The following ENPEP variants were observed in gnomAD, a reference collection of about 807,000 sequenced individuals.
The protein encoded by ENPEP is glutamyl aminopeptidase.
ENPEP carries 103 observed loss-of-function variants against 114.5 expected under a neutral mutation model. The observed-to-expected ratio is 0.90, with a 90% CI of 0.77 to 1.06. The LOEUF is 1.06. ENPEP is among the 50% of genes least tolerant of loss of function. ENPEP has a pLI of 0.00. For missense variants in ENPEP, 1,196 were observed against 1,161.3 expected, an observed-to-expected ratio of 1.03 and a Z score of -0.43; for synonymous variants, 420 against 422.0, an observed-to-expected ratio of 1.00 and a Z score of 0.06.
chr4:110,531,702 A>G (rs190058902), intron 11 of ENPEP, among the ~76,000 whole-genome samples: 4 of 151,944 alleles, frequency 2.6e-5, no homozygotes, highest in Non-Finnish European at 4.4e-5. Context: ...TTTGTGTTCT[A>G]TCTGCACTGA....
intron 18 of ENPEP, among the ~76,000 whole-genome samples, chr4:110,555,792 T>C (rs1727446291): frequency 6.6e-6 from 1 of 152,062 alleles, no homozygotes; most frequent in Non-Finnish European, 1.5e-5. Context: ...ATAATACTTG[T>C]ATAAATATTG....
chr4:110,510,140 C>G lies in ENPEP; in HGVS notation c.1195-105C>G, dbSNP rs895193839. 5.5e-6 allele frequency: 5 copies of G among 909,008 alleles called. No individual in the cohort carries two copies. In the African/African-American group the frequency reaches 8.4e-5, roughly 15 times the overall value. 56.3% of individuals were successfully genotyped at this position (909,008 alleles called of 1,614,324 possible). On this transcript the variant is annotated intron_variant, in intron 5 of 19. Coordinates refer to ENST00000265162, the MANE Select transcript of ENPEP (RefSeq NM_001977.4). The stretch of plus-strand genomic sequence containing the variant: ...TAAGTACAATGCCTGCCACTTCTGT[C>G]ACAGTGACAACATTGGCACGGACAA...
At chr4:110,509,348 C>A (rs138114291) in intron 4 of ENPEP, among the ~76,000 whole-genome samples, 2 of 152,282 alleles carry the variant, frequency 1.3e-5, no homozygotes, top group Admixed American at 6.5e-5. Context: ...CCCTAAAACA[C>A]ATGTAGCTAA....
At chr4:110,489,806 C>T (rs1314082159) in intron 2 of ENPEP, among the ~76,000 whole-genome samples, 1 of 152,028 alleles carries the variant, frequency 6.6e-6, no homozygotes, top group Non-Finnish European at 1.5e-5. Context: ...AGAAGGACAC[C>T]AGCCCCAAAT....
At chr4:110,548,145 T>TTTTTTTTG in intron 13 of ENPEP, 31 bp from the exon 14 acceptor site, 1 of 871,692 alleles carries the variant, frequency 1.1e-6, no homozygotes. Flanking sequence ...GTGAGTTTTT[T>TTTTTTTTG]TTTTTTTTTT....
At chr4:110,498,396 G>A (rs966662302) in intron 3 of ENPEP, among the ~76,000 whole-genome samples, 1 of 152,084 alleles carries the variant, frequency 6.6e-6, no homozygotes, top group African/African-American at 2.4e-5. Context: ...TCTGCGGGAT[G>A]ATCAGCAGTG....
At chr4:110,538,929 G>T (rs1726746708) in intron 11 of ENPEP, among the ~76,000 whole-genome samples, 1 of 152,056 alleles carries the variant, frequency 6.6e-6, no homozygotes, top group Non-Finnish European at 1.5e-5. Flanking sequence ...ATGGCCAGCT[G>T]GTGGAGCAGT....
chr4:110,515,798 A>G lies in ENPEP; in HGVS notation c.1509+356A>G, dbSNP rs543322097. ...TGCAGTTATGGAGGCTGGAAAGTCC[A>G]AGATCAAAGTGCTGGCTGATTCCGT... is the stretch of plus-strand genomic sequence containing the variant. On this transcript the variant is annotated intron_variant, in intron 8 of 19. Transcript: ENST00000265162. 4 of 459,454 alleles carry G rather than the reference A, an allele frequency of 8.7e-6. No individual in the cohort carries two copies. In the East Asian group the frequency reaches 2.1e-4, roughly 24 times the overall value. 28.5% of individuals were successfully genotyped at this position (459,454 alleles called of 1,614,324 possible). A position where few individuals can be genotyped will look rare whatever the true frequency, so the allele number is the denominator to read the frequency against.
chr4:110,517,393 A>T (rs542372403), intron 8 of ENPEP, among the ~76,000 whole-genome samples: 1 of 152,350 alleles, frequency 6.6e-6, no homozygotes, highest in African/African-American at 2.4e-5. Flanking sequence ...GGACATAGAA[A>T]TAAAGAAGAT....
In ENPEP at chr4:110,565,270, G is replaced by T. The variant is rs1048560716; in HGVS notation, c.*3712G>T. The T allele has an allele frequency of 6.6e-6, 1 of 152,084 alleles. No homozygotes were observed. Among genetic ancestry groups the T allele is most frequent in the Non-Finnish European group, 1.5e-5 (1 of 68,024 alleles). The allele number at this position is 152,084 out of a possible 1,614,324, so 9.4% of individuals were successfully genotyped here. On this transcript the variant is annotated 3_prime_UTR_variant, in exon 20 of 20. Transcript: ENST00000265162. ...ATAAATGTCGGCATCCTTAAATAAA[G>T]TTTTATTGGAACACAGCACATACAT...
chr4:110,483,319 C>T (rs1375439662), intron 1 of ENPEP, among the ~76,000 whole-genome samples: 1 of 152,102 alleles, frequency 6.6e-6, no homozygotes, highest in Non-Finnish European at 1.5e-5. Flanking sequence ...CTACCTGTCC[C>T]GAATCAGAAG....
intron 3 of ENPEP, among the ~76,000 whole-genome samples, 162 bp downstream of exon 3, chr4:110,491,326 G>A (rs1229051930): frequency 1.3e-5 from 2 of 150,676 alleles, no homozygotes; most frequent in Non-Finnish European, 1.5e-5. Context: ...AATGTAGGCT[G>A]AAAGGATACA....
intron 1 of ENPEP, among the ~76,000 whole-genome samples, chr4:110,483,194 C>T (rs1385675969): frequency 5.9e-5 from 9 of 152,040 alleles, no homozygotes; most frequent in Admixed American, 2.6e-4. Flanking sequence ...ATTCAAACCA[C>T]CATAAAAATA....
intron 1 of ENPEP, among the ~76,000 whole-genome samples, chr4:110,485,641 T>A (rs1166705541): frequency 6.6e-6 from 1 of 152,334 alleles, no homozygotes; most frequent in South Asian, 2.1e-4. Context: ...CAGTCTGGAA[T>A]GCTGCATTGC....
At position 110,549,416 on chromosome 4, in the gene ENPEP, C is replaced by CA; in HGVS notation, c.2225dup (p.Leu743ValfsTer27). On this transcript the variant is annotated frameshift_variant, in exon 15 of 20. Transcript: ENST00000265162. LOFTEE classifies it high-confidence loss of function. ...TGGAATGATGCTGGAGACCATGTCA[C>CA]AAAGTTATTCTCACTTTTTAACAAC... 1 of 1,613,144 alleles carries CA rather than the reference C, an allele frequency of 6.2e-7. No homozygotes were observed. Among genetic ancestry groups the CA allele is most frequent in the Non-Finnish European group, 8.5e-7 (1 of 1,179,382 alleles).
At chr4:110,557,692 A>C (rs540805177) in intron 18 of ENPEP, among the ~76,000 whole-genome samples, 3 of 152,344 alleles carry the variant, frequency 2.0e-5, no homozygotes, top group Admixed American at 6.5e-5. Context: ...CAGAAAGTAC[A>C]CACTTTTAGG....
rs560755867 is a variant in ENPEP, at chr4:110,506,862, A to G, written c.1039+105A>G. On this transcript the variant is annotated intron_variant, in intron 4 of 19. Transcript: ENST00000265162. ...TCACCATCAGTTAACAGTTATCCTT[A>G]AGTCCTTTTATTCTATGCCGACAAT... 313 of 1,045,032 alleles carry G rather than the reference A, an allele frequency of 3.0e-4. 2 individuals are homozygous for G. The African/African-American group carries it at 4.7e-3, about 16-fold the overall frequency. 64.7% of individuals were successfully genotyped at this position (1,045,032 alleles called of 1,614,324 possible).
chr4:110,531,533 C>T (rs1288705266), intron 11 of ENPEP, among the ~76,000 whole-genome samples: 1 of 152,062 alleles, frequency 6.6e-6, no homozygotes, highest in Non-Finnish European at 1.5e-5. Flanking sequence ...GTCGCATGCC[C>T]AACAATTGGA....
chr4:110,482,957 C>T (rs542380978), intron 1 of ENPEP, among the ~76,000 whole-genome samples: 2 of 152,244 alleles, frequency 1.3e-5, no homozygotes, highest in Non-Finnish European at 2.9e-5. Flanking sequence ...TGTAGTGAGT[C>T]AAGATCGCGC....
Sources: allele counts gnomAD v4.1 joint callset (sites outside exome capture counted in the v4.1 genomes callset), GRCh38; gene constraint gnomAD v4.1.1; transcripts MANE v1.5; gene names NCBI Gene and HGNC (gene_info 2026-07-23, HGNC 2026-07-21).